Variants in CNTN2 observed in about 807,000 individuals in gnomAD.
CNTN2 encodes contactin-2.
Under a neutral mutation model 117.5 loss-of-function variants are expected in CNTN2, and 53 were observed. The observed-to-expected ratio is 0.45, with a 90% CI of 0.36 to 0.57. The LOEUF (loss-of-function observed/expected upper bound fraction) is 0.57. CNTN2 is among the 20% of genes least tolerant of loss of function. The pLI, the probability that CNTN2 is intolerant of heterozygous loss-of-function variation, is 0.00. For missense variants in CNTN2, 1,106 were observed against 1,404.3 expected (o/e 0.79, Z 3.39); for synonymous variants, 530 against 561.7 (o/e 0.94, Z 0.80).
chr1:205,046,213 G>T (rs2096441326), intron 1 of CNTN2, among the ~76,000 whole-genome samples: 1 of 152,204 alleles, frequency 6.6e-6, no homozygotes. Flanking sequence ...GTTTACCAAA[G>T]AGAATGCAAA....
Position 205,070,484 on chromosome 1 carries a change from C to T in CNTN2, c.2490C>T (p.Asn830=), listed in dbSNP as rs776333018. 3 of 1,613,906 alleles carry T rather than the reference C, an allele frequency of 1.9e-6. No homozygotes were observed. The highest frequency in any genetic ancestry group is 1.3e-5 in the African/African-American group (1 of 74,918). Residue 830 remains asparagine (N), a synonymous_variant, in exon 19 of 23, where the codon AAC becomes AAT. Coordinates refer to ENST00000331830, the MANE Select transcript of CNTN2 (RefSeq NM_005076.5). ...WAKGVSSSEM[N]VTWEPVQQDM... is the part of the protein sequence containing the mutation. ...AAGGGGTCTCATCCTCAGAGATGAA[C>T]GTGACCTGGGAACCCGTGCAGCAGG...
At chr1:205,064,268 G>A (rs1574651195) in intron 10 of CNTN2, 54 bp from the exon 11 acceptor site, 4 of 1,510,288 alleles carry the variant, frequency 2.6e-6, no homozygotes, top group Admixed American at 2.2e-5. Flanking sequence ...GCCAAGTAAC[G>A]TCTTAATCAA....
At position 205,064,725 on chromosome 1, in the gene CNTN2, C is replaced by G. The variant is rs1654185527; in HGVS notation, c.1494C>G (p.Asn498Lys). 2 of 1,614,152 alleles carry G rather than the reference C, an allele frequency of 1.2e-6. No homozygotes were observed. Among genetic ancestry groups the G allele is most frequent in the Non-Finnish European group, 1.7e-6 (2 of 1,180,012 alleles). ...CFAENFMGKA[N>K]STGILSVRDA... Reference sequence around the variant, plus strand: ...CTGAGAACTTCATGGGCAAAGCCAACAGCACTGGAATCCTATCTGTGCGAG... The same window carrying G: ...CTGAGAACTTCATGGGCAAAGCCAAGAGCACTGGAATCCTATCTGTGCGAG... Residue 498 changes from asparagine (N) to lysine (K), a missense_variant, in exon 12 of 23, where the codon AAC becomes AAG. Coordinates refer to ENST00000331830, the MANE Select transcript of CNTN2 (RefSeq NM_005076.5).
intron 17 of CNTN2, 103 bp downstream of exon 17, chr1:205,069,664 A>C: frequency 6.9e-7 from 1 of 1,444,956 alleles, no homozygotes; most frequent in East Asian, 2.3e-5. Context: ...AAACGCGGAT[A>C]ACTTCCTGTC....
chr1:205,064,392 T>C lies in CNTN2; in HGVS notation c.1311T>C (p.Leu437=), dbSNP rs768249389. 2.5e-6 allele frequency: 4 copies of C among 1,612,474 alleles called. No homozygotes were observed. Among genetic ancestry groups the C allele is most frequent in the Non-Finnish European group, 3.4e-6 (4 of 1,178,662 alleles). The change falls in exon 11 of 23, where the codon CTT becomes CTC. Residue 437 remains leucine (L), a synonymous_variant. Coordinates refer to ENST00000331830, the MANE Select transcript of CNTN2 (RefSeq NM_005076.5). ...CCGCGGCCCGCGGGGGAGAGATCCT[T>C]ATCCCCTGCCAGCCCCGGGCAGCTC... ...LIPAARGGEI[L]IPCQPRAAPK...
intron 1 of CNTN2, among the ~76,000 whole-genome samples, chr1:205,047,169 C>T (rs576246072): frequency 2.0e-5 from 3 of 152,188 alleles, no homozygotes; most frequent in Admixed American, 6.5e-5. Context: ...CGGGGCTGCA[C>T]GACACCCCTG....
chr1:205,060,847 C>G (rs1270673126), intron 7 of CNTN2: 1 of 190,406 alleles, frequency 5.3e-6, no homozygotes, highest in Admixed American at 6.0e-5. Flanking sequence ...AAAGTAGGGG[C>G]AAGGCCTGCC....
chr1:205,052,446 G>A (rs1305542224), intron 1 of CNTN2, among the ~76,000 whole-genome samples: 2 of 152,224 alleles, frequency 1.3e-5, no homozygotes, highest in African/African-American at 4.8e-5. Flanking sequence ...CAAGAGGGAG[G>A]CTCCTCTGGG....
chr1:205,054,692 A>T (rs1183500561), intron 2 of CNTN2, among the ~76,000 whole-genome samples: 1 of 152,210 alleles, frequency 6.6e-6, no homozygotes, highest in Non-Finnish European at 1.5e-5. Flanking sequence ...AGCTCCAGAG[A>T]GAGACAGGAG....
chr1:205,065,268 A>T lies in CNTN2; in HGVS notation c.1695+6A>T. ...ACTACCGGAGAACTAATGTGGTGAGACCTAGGGCCAGAGCCCCATGGCTTC... is the reference window on the plus strand; with the variant it reads ...ACTACCGGAGAACTAATGTGGTGAGTCCTAGGGCCAGAGCCCCATGGCTTC... On this transcript the variant is annotated splice_donor_region_variant and intron_variant, in intron 13 of 22. Transcript: ENST00000331830. This position sits in a 1 kb window ranked among gnomAD's most constrained non-coding sequence, Gnocchi z 4.1. The T allele has an allele frequency of 1.2e-6, 2 of 1,613,924 alleles. No individual in the cohort carries two copies. The highest frequency in any genetic ancestry group is 1.7e-6 in the Non-Finnish European group (2 of 1,179,930).
At chr1:205,047,928 C>T (rs1179814579) in intron 1 of CNTN2, among the ~76,000 whole-genome samples, 3 of 152,110 alleles carry the variant, frequency 2.0e-5, no homozygotes, top group Admixed American at 6.6e-5. Flanking sequence ...GGTTAAGTAA[C>T]GACTGTGATA....
chr1:205,062,044 CT>C (rs771504435), intron 9 of CNTN2, 43 bp downstream of exon 9: 1 of 1,600,998 alleles, frequency 6.2e-7, no homozygotes, highest in Non-Finnish European at 8.5e-7. Context: ...CAACTGTCCT[CT>C]GCTCACTTGG....
chr1:205,062,354 T>A (rs946086711), intron 9 of CNTN2, 86 bp from the exon 10 acceptor site: 1 of 1,493,342 alleles, frequency 6.7e-7, no homozygotes, highest in Non-Finnish European at 9.0e-7. Flanking sequence ...CAGCCTAGAG[T>A]CTCCACTGCT....
In CNTN2 at chr1:205,073,454, G is replaced by GT; in HGVS notation, c.3014-202_3014-201insT. On this transcript the variant is annotated intron_variant, in intron 22 of 22. Transcript: ENST00000331830. The surrounding 1 kb of genome is among the most constrained non-coding windows in gnomAD (Gnocchi z 6.3). ...CGAGGGCCAGGGAAGGGCGCAGGGTGCAGGGGGAGGCTGAGGACCAACCAG... is the reference window on the plus strand; with the variant it reads ...CGAGGGCCAGGGAAGGGCGCAGGGTGTCAGGGGGAGGCTGAGGACCAACCAG... 1.3e-6 allele frequency: 1 copy of GT among 745,732 alleles called. No individual in the cohort carries two copies. Among genetic ancestry groups the GT allele is most frequent in the Non-Finnish European group, 2.2e-6 (1 of 460,960 alleles). 46.2% of individuals were successfully genotyped at this position (745,732 alleles called of 1,614,324 possible).
In CNTN2 at chr1:205,059,518, C is replaced by T; in HGVS notation, c.698-65C>T. The T allele has an allele frequency of 6.8e-7, 1 of 1,461,718 alleles. No homozygotes were observed. Among genetic ancestry groups the T allele is most frequent in the East Asian group, 2.3e-5 (1 of 44,064 alleles). The allele number at this position is 1,461,718 out of a possible 1,614,324, so 90.5% of individuals were successfully genotyped here. ...AGTTGGCTCTGAAAGGTGCTGAGAT[C>T]CCATGCACGGGAGCACCTGACCTGG... On this transcript the variant is annotated intron_variant, in intron 6 of 22. Coordinates refer to ENST00000331830, the MANE Select transcript of CNTN2 (RefSeq NM_005076.5). The surrounding 1 kb of genome is among the most constrained non-coding windows in gnomAD (Gnocchi z 5.6).
chr1:205,064,217 G>C, intron 10 of CNTN2, 105 bp from the exon 11 acceptor site: 2 of 1,239,614 alleles, frequency 1.6e-6, no homozygotes, highest in Non-Finnish European at 2.2e-6. Flanking sequence ...TCTGGAAGAG[G>C]TGCTAATAGG....
rs752949792 is a variant in CNTN2 at position 205,071,975 on chromosome 1, A to C, written c.2573A>C (p.Glu858Ala). The part of the protein sequence containing the change: ...EIRYWKAGDK[E>A]AAADRVRTAG... ...CGCTACTGGAAAGCTGGGGACAAAG[A>C]AGCAGCTGCGGACCGAGTGAGGACA... Residue 858 changes from glutamate (E) to alanine (A), a missense_variant, in exon 20 of 23, where the codon GAA (glutamate) becomes GCA (alanine). Glu to Ala is a moderately radical substitution (Grantham distance 107, BLOSUM62 -1). Transcript: ENST00000331830. 24 of 1,612,858 alleles carry C rather than the reference A, an allele frequency of 1.5e-5. No homozygotes were observed. The highest frequency in any genetic ancestry group is 1.9e-5 in the Non-Finnish European group (23 of 1,179,634).
In CNTN2 at chr1:205,058,738, A is replaced by G; in HGVS notation, c.487+75A>G. 1 of 1,181,190 alleles carries G rather than the reference A, an allele frequency of 8.5e-7. No homozygotes were observed. The highest frequency in any genetic ancestry group is 1.2e-6 in the Non-Finnish European group (1 of 826,398). The allele number at this position is 1,181,190 out of a possible 1,614,324, so 73.2% of individuals were successfully genotyped here. ...CAGATGCTTGGCAGAGGAAGGATGG[A>G]ATAAAAGGAGACCCCTGGAAATGAC... On this transcript the variant is annotated intron_variant, in intron 5 of 22. Transcript: ENST00000331830. The surrounding 1 kb of genome is among the most constrained non-coding windows in gnomAD (Gnocchi z 4.3).
intron 17 of CNTN2, 42 bp from the exon 18 acceptor site, chr1:205,069,785 C>A: frequency 6.3e-7 from 1 of 1,587,754 alleles, no homozygotes; most frequent in Admixed American, 1.7e-5. Context: ...GGCAGGGACA[C>A]ATGCCGCGGA....
Sources: allele counts gnomAD v4.1 joint callset (sites outside exome capture counted in the v4.1 genomes callset), GRCh38; gene constraint gnomAD v4.1.1; non-coding constraint Gnocchi (gnomAD v3.1); transcripts MANE v1.5; gene names NCBI Gene and HGNC (gene_info 2026-07-23, HGNC 2026-07-21).